PDAP1: variants seen among roughly 807,000 people sequenced by gnomAD.
PDAP1 encodes PDGFA associated protein 1.
In PDAP1, 13 loss-of-function variants were observed where a neutral mutation model predicts 28.0. The ratio of observed to expected loss-of-function variants is 0.46; its 90% CI spans 0.30 to 0.74. PDAP1 has a LOEUF of 0.74. PDAP1 is among the 30% of genes least tolerant of loss of function. PDAP1 has a pLI of 0.07. For synonymous variants in PDAP1, 77 were observed against 85.1 expected, an observed-to-expected ratio of 0.91 and a Z score of 0.52; for missense variants, 150 against 230.0, an observed-to-expected ratio of 0.65 and a Z score of 2.25.
At chr7:99,403,926 C>T (rs1179864608) in intron 2 of PDAP1, among the ~76,000 whole-genome samples, 1 of 152,180 alleles carries the variant, frequency 6.6e-6, no homozygotes, top group Admixed American at 6.5e-5. Flanking sequence ...GGCGAGTCCT[C>T]TCCGCACTCC....
rs1794750055 is a variant in PDAP1, at chr7:99,396,038, A to C, written c.*644T>G. On this transcript the variant is annotated 3_prime_UTR_variant, in exon 6 of 6. Transcript: ENST00000350498. The stretch of plus-strand genomic sequence containing the variant: ...AATATACAAGTTGAATTTGTGGAGC[A>C]TGTTTTGCCTGGGTGCCACACAGTA... 1 of 152,998 alleles carries C rather than the reference A, an allele frequency of 6.5e-6. No individual in the cohort carries two copies. The highest frequency in any genetic ancestry group is 2.4e-5 in the African/African-American group (1 of 41,466). The allele number at this position is 152,998 out of a possible 1,614,324, so 9.5% of individuals were successfully genotyped here. A position where few individuals can be genotyped will look rare whatever the true frequency, so the allele number is the denominator to read the frequency against.
At position 99,394,923 on chromosome 7, in the gene PDAP1, AAGT is replaced by A; in HGVS notation, c.*1756_*1758del. ...AGCAATCCTTCTGCCTCAGCCTCCC[AAGT>A]AGCTGGGACTCCAGGGAGAGATTGG... On this transcript the variant is annotated 3_prime_UTR_variant, in exon 6 of 6. Transcript: ENST00000350498. 1.2e-6 allele frequency: 1 copy of A among 827,186 alleles called. No individual in the cohort carries two copies. Among genetic ancestry groups the A allele is most frequent in the Non-Finnish European group, 1.6e-6 (1 of 633,110 alleles). The allele number at this position is 827,186 out of a possible 1,614,324, so 51.2% of individuals were successfully genotyped here.
chr7:99,407,016 T>C (rs1794983883), intron 1 of PDAP1, among the ~76,000 whole-genome samples: 1 of 152,172 alleles, frequency 6.6e-6, no homozygotes, highest in Non-Finnish European at 1.5e-5. Context: ...TACTATAGGC[T>C]CTCCTCTCAT....
At chr7:99,398,111 C>T (rs1381429987) in intron 4 of PDAP1, 98 bp from the exon 5 acceptor site, 35 of 1,426,552 alleles carry the variant, frequency 2.5e-5, no homozygotes, top group Non-Finnish European at 1.9e-5. Context: ...GGCCTAGGGC[C>T]GAGGTGGAAG....
rs1315357838 is a variant in PDAP1 at position 99,396,674 on chromosome 7, G to C, written c.*8C>G. 1.9e-6 allele frequency: 3 copies of C among 1,610,282 alleles called. No individual in the cohort carries two copies. The highest frequency in any genetic ancestry group is 1.1e-5 in the South Asian group (1 of 90,950). ...CAGGTCCCCGGCATCTCCTCCCACGGGTCGCAGTTACTTATTCAGGGAGAG... is the reference window on the plus strand; with the variant it reads ...CAGGTCCCCGGCATCTCCTCCCACGCGTCGCAGTTACTTATTCAGGGAGAG... On this transcript the variant is annotated 3_prime_UTR_variant, in exon 6 of 6. Coordinates refer to ENST00000350498, the MANE Select transcript of PDAP1 (RefSeq NM_014891.7).
At position 99,396,492 on chromosome 7, in the gene PDAP1, C is replaced by T; in HGVS notation, c.*190G>A. The T allele has an allele frequency of 1.8e-6, 1 of 565,616 alleles. No homozygotes were observed. Among genetic ancestry groups the T allele is most frequent in the South Asian group, 1.8e-5 (1 of 54,298 alleles). 35.0% of individuals were successfully genotyped at this position (565,616 alleles called of 1,614,324 possible). On this transcript the variant is annotated 3_prime_UTR_variant, in exon 6 of 6. Transcript: ENST00000350498. ...TTTCTGTCTCAAAGATAGCAGCTAC[C>T]CCTCCCCCAGTCCCCCCCCCCATCC...
chr7:99,394,793 A>G lies in PDAP1; in HGVS notation c.*1889T>C. Reference sequence around the variant, plus strand: ...ATGCAACTGTGTAAAAAAAAAAAAAAAAAAAAAAGTAATTATGGACATGCT... The same window carrying G: ...ATGCAACTGTGTAAAAAAAAAAAAAGAAAAAAAAGTAATTATGGACATGCT... On this transcript the variant is annotated 3_prime_UTR_variant, in exon 6 of 6. Coordinates refer to ENST00000350498, the MANE Select transcript of PDAP1 (RefSeq NM_014891.7). The G allele has an allele frequency of 8.1e-7, 1 of 1,234,352 alleles. No individual in the cohort carries two copies. Among genetic ancestry groups the G allele is most frequent in the Non-Finnish European group, 1.0e-6 (1 of 990,140 alleles). The allele number at this position is 1,234,352 out of a possible 1,614,324, so 76.5% of individuals were successfully genotyped here.
chr7:99,396,689 T>A lies in PDAP1; in HGVS notation c.539A>T (p.Asn180Ile). The part of the protein sequence containing the change: ...SGKRMQSLSL[N>I]K Reference sequence around the variant, plus strand: ...TCCTCCCACGGGTCGCAGTTACTTATTCAGGGAGAGTGACTGCATTCGTTT... The same window carrying A: ...TCCTCCCACGGGTCGCAGTTACTTAATCAGGGAGAGTGACTGCATTCGTTT... The change falls in exon 6 of 6, where the codon AAT becomes ATT. Residue 180 changes from asparagine to isoleucine, a missense_variant. Coordinates refer to ENST00000350498, the MANE Select transcript of PDAP1 (RefSeq NM_014891.7). The A allele has an allele frequency of 6.2e-7, 1 of 1,611,650 alleles. No homozygotes were observed. The highest frequency in any genetic ancestry group is 1.1e-5 in the South Asian group (1 of 90,982).
At chr7:99,408,364 C>T (rs1360645348) in intron 1 of PDAP1, among the ~76,000 whole-genome samples, 172 bp downstream of exon 1, 1 of 152,178 alleles carries the variant, frequency 6.6e-6, no homozygotes, top group Non-Finnish European at 1.5e-5. Flanking sequence ...CACCACAGTC[C>T]TCAGTTTCCC....
chr7:99,398,775 G>C (rs888078132), intron 4 of PDAP1, among the ~76,000 whole-genome samples: 1 of 152,192 alleles, frequency 6.6e-6, no homozygotes. Context: ...GAGGACCACA[G>C]TGGGAAACAG....
chr7:99,399,793 G>C (rs908717196), intron 4 of PDAP1, among the ~76,000 whole-genome samples: 2 of 152,238 alleles, frequency 1.3e-5, no homozygotes, highest in African/African-American at 4.8e-5. Context: ...AGGCACTTCA[G>C]TACATGATCT....
intron 3 of PDAP1, among the ~76,000 whole-genome samples, chr7:99,402,573 CAAAAAAA>C (rs58448407): frequency 1.9e-4 from 11 of 56,640 alleles, no homozygotes; most frequent in Non-Finnish European, 3.1e-4. Context: ...GACCCTGTCT[CAAAAAAA>C]AAAAAAAAAA....
rs146072786 is a variant in PDAP1, at chr7:99,404,559, T to C, written c.105+303A>G. Among the ~76,000 whole-genome samples, 79 of 152,176 alleles carry C rather than the reference T, an allele frequency of 5.2e-4. 1 individual carries two copies. Among genetic ancestry groups the C allele is most frequent in the African/African-American group, 1.8e-3 (74 of 41,524 alleles). The stretch of plus-strand genomic sequence containing the variant: ...GGGTGCTGGGAGCTCGAGCTGTGAA[T>C]GGACAGGTCCTGCAGGAGGGAGATC... On this transcript the variant is annotated intron_variant, in intron 2 of 5. Transcript: ENST00000350498.
intron 5 of PDAP1, 75 bp from the exon 6 acceptor site, chr7:99,396,815 T>C (rs1216383400): frequency 1.8e-6 from 2 of 1,135,270 alleles, no homozygotes; most frequent in Non-Finnish European, 2.6e-6. Context: ...GCCAGAACCC[T>C]AGAACTTTAG....
chr7:99,403,673 C>A, intron 2 of PDAP1, 168 bp from the exon 3 acceptor site: 1 of 680,800 alleles, frequency 1.5e-6, no homozygotes, highest in Non-Finnish European at 2.7e-6. Context: ...GGAATGGGAC[C>A]TGGGCCAGAC....
In PDAP1 at chr7:99,394,890, C is replaced by A; in HGVS notation, c.*1792G>T. The A allele has an allele frequency of 1.8e-6, 2 of 1,086,732 alleles. No homozygotes were observed. The highest frequency in any genetic ancestry group is 2.3e-6 in the Non-Finnish European group (2 of 862,216). The allele number at this position is 1,086,732 out of a possible 1,614,324, so 67.3% of individuals were successfully genotyped here. Reference sequence around the variant, plus strand: ...CTAAGTTTTCCAGGCTGCACTAGAACTCGTGGGAGCAATCCTTCTGCCTCA... The same window carrying A: ...CTAAGTTTTCCAGGCTGCACTAGAAATCGTGGGAGCAATCCTTCTGCCTCA... On this transcript the variant is annotated 3_prime_UTR_variant, in exon 6 of 6. Coordinates refer to ENST00000350498, the MANE Select transcript of PDAP1 (RefSeq NM_014891.7).
intron 1 of PDAP1, among the ~76,000 whole-genome samples, chr7:99,406,006 C>T (rs1321411166): frequency 1.3e-5 from 2 of 152,300 alleles, no homozygotes; most frequent in African/African-American, 4.8e-5. Context: ...AATCCCAGCA[C>T]TTTGGGAGGC....
rs1309089667 is a variant in PDAP1 at position 99,395,940 on chromosome 7, A to C, written c.*742T>G. 1 of 152,822 alleles carries C rather than the reference A, an allele frequency of 6.5e-6. No individual in the cohort carries two copies. The highest frequency in any genetic ancestry group is 1.5e-5 in the Non-Finnish European group (1 of 68,198). The allele number at this position is 152,822 out of a possible 1,614,324, so 9.5% of individuals were successfully genotyped here. A position where few individuals can be genotyped will look rare whatever the true frequency, so the allele number is the denominator to read the frequency against. On this transcript the variant is annotated 3_prime_UTR_variant, in exon 6 of 6. Coordinates refer to ENST00000350498, the MANE Select transcript of PDAP1 (RefSeq NM_014891.7). ...TGGCACCGTACCCAGCTGGGTAAAAACGGCTCGAGCACGGAAGCCAAAGGA... is the reference window on the plus strand; with the variant it reads ...TGGCACCGTACCCAGCTGGGTAAAACCGGCTCGAGCACGGAAGCCAAAGGA...
rs1794733226 is a variant in PDAP1, at chr7:99,395,379, G to C, written c.*1303C>G. The C allele has an allele frequency of 1.3e-5, 2 of 152,188 alleles. No individual in the cohort carries two copies. The highest frequency in any genetic ancestry group is 1.9e-4 in the East Asian group (1 of 5,190). The allele number at this position is 152,188 out of a possible 1,614,324, so 9.4% of individuals were successfully genotyped here. ...TTGGCCAGGCTGGTCTTGAACTCCT[G>C]ACCTCAGATGATCCACCCACCTCAC... is the stretch of plus-strand genomic sequence containing the variant. On this transcript the variant is annotated 3_prime_UTR_variant, in exon 6 of 6. Transcript: ENST00000350498.
Sources: gnomAD v4.1 joint callset for allele counts (sites outside exome capture counted in the v4.1 genomes callset) on GRCh38, gnomAD v4.1.1 for gene constraint, MANE v1.5 for transcripts, NCBI Gene and HGNC (gene_info 2026-07-23, HGNC 2026-07-21) for gene names.